Variants in NEMP2 observed in about 807,000 individuals in gnomAD.
The protein encoded by NEMP2 is nuclear envelope integral membrane protein 2, also known as UPF0571 transmembrane protein.
In NEMP2, 53 loss-of-function variants were observed where a neutral mutation model predicts 54.2. The ratio of observed to expected loss-of-function variants is 0.98; its 90% CI spans 0.78 to 1.23. The LOEUF (loss-of-function observed/expected upper bound fraction) is 1.23. Ranked by LOEUF, NEMP2 falls within the 50% of genes most tolerant of loss-of-function variation. The pLI is 0.00. For missense variants in NEMP2, 455 were observed against 511.3 expected (o/e 0.89, Z 1.06); for synonymous variants, 197 against 190.3 (o/e 1.04, Z -0.29).
the NEMP2 span, among the ~76,000 whole-genome samples, chr2:190,483,043 C>T: frequency 6.6e-6 from 1 of 151,042 alleles, no homozygotes; most frequent in African/African-American, 2.4e-5. Flanking sequence ...AGGCGCCTGC[C>T]ACCGCGCCCG....
the NEMP2 span, chr2:190,488,553 A>G: frequency 9.0e-6 from 10 of 1,104,986 alleles, no homozygotes; most frequent in East Asian, 2.8e-4. The surrounding 1 kb of genome is among the most constrained non-coding windows in gnomAD (Gnocchi z 6.4). Context: ...TTTTCCCACA[A>G]CAAATCTTAA....
At chr2:190,606,991 C>T in the NEMP2 span, among the ~76,000 whole-genome samples, 40 of 152,248 alleles carry the variant, frequency 2.6e-4, no homozygotes, top group Non-Finnish European at 5.3e-4. Context: ...GACTTGATCC[C>T]TGCTCTGGTG....
the NEMP2 span, among the ~76,000 whole-genome samples, chr2:190,572,998 G>A: frequency 2.7e-4 from 41 of 151,520 alleles, no homozygotes; most frequent in Admixed American, 2.4e-3. Context: ...ATTGGTTTCT[G>A]AGAAGACAGT....
chr2:190,430,158 C>T, the NEMP2 span, among the ~76,000 whole-genome samples: 2 of 151,906 alleles, frequency 1.3e-5, no homozygotes, highest in East Asian at 3.9e-4. Flanking sequence ...CATCCATGTC[C>T]CTGCAAAGGA....
chr2:190,437,618 T>C, the NEMP2 span: 35 of 1,535,524 alleles, frequency 2.3e-5, 1 homozygote, highest in East Asian at 7.0e-4. The surrounding 1 kb of genome is among the most constrained non-coding windows in gnomAD (Gnocchi z 5.9). Flanking sequence ...CTTTTTATGG[T>C]TTATAGCTCC....
the NEMP2 span, among the ~76,000 whole-genome samples, chr2:190,560,742 A>T: frequency 6.6e-6 from 1 of 152,222 alleles, no homozygotes; most frequent in Admixed American, 6.5e-5. This position sits in a 1 kb window ranked among gnomAD's most constrained non-coding sequence, Gnocchi z 5.4. Flanking sequence ...CCATCGACTT[A>T]TTGTGCATTT....
At chr2:190,434,182 C>CAAA in the NEMP2 span, among the ~76,000 whole-genome samples, 7 of 129,788 alleles carry the variant, frequency 5.4e-5, no homozygotes, top group African/African-American at 1.5e-4. The surrounding 1 kb of genome is among the most constrained non-coding windows in gnomAD (Gnocchi z 4.3). Flanking sequence ...CCCTGTCTCT[C>CAAA]AAAAAAAAAA....
chr2:190,590,888 A>G, the NEMP2 span, among the ~76,000 whole-genome samples: 1 of 152,162 alleles, frequency 6.6e-6, no homozygotes, highest in East Asian at 1.9e-4. This position sits in a 1 kb window ranked among gnomAD's most constrained non-coding sequence, Gnocchi z 5.1. Context: ...CAAGTAGGGT[A>G]AAATATCAGA....
chr2:190,568,763 T>C, the NEMP2 span, among the ~76,000 whole-genome samples: 3 of 152,058 alleles, frequency 2.0e-5, no homozygotes. The surrounding 1 kb of genome is among the most constrained non-coding windows in gnomAD (Gnocchi z 4.7). Flanking sequence ...CGGAGGTTGC[T>C]GTGAGCCGAG....
At chr2:190,437,286 C>T in the NEMP2 span, 8 of 1,614,172 alleles carry the variant, frequency 5.0e-6, no homozygotes, top group Non-Finnish European at 6.8e-6. This position sits in a 1 kb window ranked among gnomAD's most constrained non-coding sequence, Gnocchi z 5.9. Context: ...CTACAGAGTC[C>T]TCTGAGGAGA....
the NEMP2 span, among the ~76,000 whole-genome samples, chr2:190,618,339 T>C: frequency 6.6e-6 from 1 of 152,184 alleles, no homozygotes; most frequent in Non-Finnish European, 1.5e-5. Flanking sequence ...GTTCCTGGAC[T>C]CTCAAGGTCA....
chr2:190,624,111 T>A, the NEMP2 span, among the ~76,000 whole-genome samples: 2 of 152,184 alleles, frequency 1.3e-5, no homozygotes, highest in African/African-American at 4.8e-5. Context: ...AGTGAGACCC[T>A]ATCTCCAAAA....
the NEMP2 span, among the ~76,000 whole-genome samples, chr2:190,640,536 G>C: frequency 1.9e-4 from 29 of 152,232 alleles, no homozygotes; most frequent in East Asian, 5.4e-3. Flanking sequence ...ATTATTGCCA[G>C]TCCTGGGTAA....
chr2:190,630,317 AAGCCATTCTCTTGCCTCAGCCTCCCGAGT>A, the NEMP2 span, among the ~76,000 whole-genome samples: 3 of 152,116 alleles, frequency 2.0e-5, no homozygotes, highest in Non-Finnish European at 2.9e-5. This position sits in a 1 kb window ranked among gnomAD's most constrained non-coding sequence, Gnocchi z 5.5. Context: ...TCCTGGGTTC[AAGCCATTCTCTTGCCTCAGCCTCCCGAGT>A]AGCTGGGATT....
intron 7 of NEMP2, among the ~76,000 whole-genome samples, chr2:190,511,264 C>T (rs1471258674): frequency 6.6e-6 from 1 of 152,034 alleles, no homozygotes; most frequent in Non-Finnish European, 1.5e-5. Context: ...TGACCATTTA[C>T]TCTCCACACC....
At chr2:190,605,666 G>A in the NEMP2 span, among the ~76,000 whole-genome samples, 1 of 152,018 alleles carries the variant, frequency 6.6e-6, no homozygotes, top group South Asian at 2.1e-4. Flanking sequence ...TGTAGCCATC[G>A]CACCCAGCCC....
chr2:190,461,201 A>G, the NEMP2 span, among the ~76,000 whole-genome samples: 1 of 152,230 alleles, frequency 6.6e-6, no homozygotes, highest in Non-Finnish European at 1.5e-5. The surrounding 1 kb of genome is among the most constrained non-coding windows in gnomAD (Gnocchi z 5.5). Flanking sequence ...GTTGAGAACC[A>G]TGGGTCAGAC....
chr2:190,482,913 C>G, the NEMP2 span, among the ~76,000 whole-genome samples: 5 of 62,502 alleles, frequency 8.0e-5, no homozygotes, highest in Non-Finnish European at 1.3e-4. Flanking sequence ...TAGACGGAGT[C>G]TCACTCTGTC....
chr2:190,509,399 C>G lies in NEMP2; in HGVS notation c.1131-87G>C. 2 of 1,444,728 alleles carry G rather than the reference C, an allele frequency of 1.4e-6. No individual in the cohort carries two copies. Among genetic ancestry groups the G allele is most frequent in the East Asian group, 2.5e-5 (1 of 40,230 alleles). The allele number at this position is 1,444,728 out of a possible 1,614,324, so 89.5% of individuals were successfully genotyped here. A position where few individuals can be genotyped will look rare whatever the true frequency, so the allele number is the denominator to read the frequency against. On this transcript the variant is annotated intron_variant, in intron 8 of 8. Transcript: ENST00000409150. This position sits in a 1 kb window ranked among gnomAD's most constrained non-coding sequence, Gnocchi z 6.1. Reference sequence around the variant, plus strand: ...AACATGTTCCCTTGCTATTTATCCCCTTTAATTAAATTTGACTTTGCATCA... The same window carrying G: ...AACATGTTCCCTTGCTATTTATCCCGTTTAATTAAATTTGACTTTGCATCA...
Sources: allele counts gnomAD v4.1 joint callset (sites outside exome capture counted in the v4.1 genomes callset), GRCh38; gene constraint gnomAD v4.1.1; non-coding constraint Gnocchi (gnomAD v3.1); transcripts MANE v1.5; gene names NCBI Gene and HGNC (gene_info 2026-07-23, HGNC 2026-07-21).